SMCO4: variants seen among roughly 807,000 people sequenced by gnomAD.
The protein encoded by SMCO4 is single-pass membrane and coiled-coil domain-containing protein 4.
A neutral mutation model predicts 3.6 loss-of-function variants in SMCO4; 4 were observed. The ratio of observed to expected loss-of-function variants is 1.11; its 90% CI spans 0.54 to 2.53. The LOEUF is 2.53. SMCO4 is among the 30% of genes most tolerant of loss of function. The pLI is 0.02. For missense variants in SMCO4, 70 were observed against 80.8 expected (o/e 0.87, Z 0.51); for synonymous variants, 36 against 35.3 (o/e 1.02, Z -0.07).
upstream of SMCO4, among the ~76,000 whole-genome samples, chr11:93,546,835 A>G (rs969130301): frequency 3.3e-5 from 5 of 152,188 alleles, no homozygotes; most frequent in African/African-American, 1.2e-4. Flanking sequence ...CTACAGAGAT[A>G]TTGGTACTGT....
At chr11:93,552,727 C>T in the SMCO4 span, among the ~76,000 whole-genome samples, 1 of 152,094 alleles carries the variant, frequency 6.6e-6, no homozygotes, top group East Asian at 1.9e-4. Flanking sequence ...CTGCCTCAGC[C>T]TCCCAAAGTG....
intron 2 of SMCO4, among the ~76,000 whole-genome samples, chr11:93,483,901 C>T (rs897045385): frequency 1.3e-5 from 2 of 152,190 alleles, no homozygotes; most frequent in African/African-American, 2.4e-5. Flanking sequence ...GTGCCCCCAT[C>T]ATGGTTCAGC....
At chr11:93,519,116 G>C (rs1949034945) in intron 1 of SMCO4, among the ~76,000 whole-genome samples, 2 of 152,174 alleles carry the variant, frequency 1.3e-5, no homozygotes, top group Non-Finnish European at 2.9e-5. Context: ...AGATACGAAA[G>C]CATCAGAACC....
chr11:93,513,343 T>A (rs961659808), intron 1 of SMCO4, among the ~76,000 whole-genome samples: 2 of 152,370 alleles, frequency 1.3e-5, no homozygotes, highest in African/African-American at 2.4e-5. Context: ...TTTGACAAAA[T>A]AAAACTCAAA....
At chr11:93,509,586 G>A (rs55728319) in intron 1 of SMCO4, among the ~76,000 whole-genome samples, 77 of 152,290 alleles carry the variant, frequency 5.1e-4, no homozygotes, top group Admixed American at 7.8e-4. Context: ...ATCAATCAAC[G>A]AGTGGATAAA....
chr11:93,484,140 C>T (rs903508448), intron 2 of SMCO4, among the ~76,000 whole-genome samples: 6 of 152,174 alleles, frequency 3.9e-5, no homozygotes, highest in East Asian at 3.8e-4. Context: ...CACACACCCA[C>T]GGCAACCGGT....
intron 1 of SMCO4, among the ~76,000 whole-genome samples, chr11:93,508,020 G>A (rs932974720): frequency 1.3e-5 from 2 of 151,964 alleles, no homozygotes; most frequent in African/African-American, 2.4e-5. Flanking sequence ...ATCATATAAT[G>A]GGTTTATTGT....
At chr11:93,521,116 T>A (rs1418008685) in intron 1 of SMCO4, among the ~76,000 whole-genome samples, 1 of 152,260 alleles carries the variant, frequency 6.6e-6, no homozygotes, top group Non-Finnish European at 1.5e-5. Context: ...CTCTGGAAGA[T>A]GCTGTTTTCT....
At chr11:93,495,087 A>G (rs1948759226) in intron 2 of SMCO4, among the ~76,000 whole-genome samples, 1 of 151,806 alleles carries the variant, frequency 6.6e-6, no homozygotes, top group Non-Finnish European at 1.5e-5. Context: ...TCTCCCAAGC[A>G]TTCCTTCTGC....
At chr11:93,547,552 C>T (rs945044631), upstream of SMCO4, among the ~76,000 whole-genome samples, 1 of 152,084 alleles carries the variant, frequency 6.6e-6, no homozygotes, top group Non-Finnish European at 1.5e-5. Flanking sequence ...TTGTGTCTCT[C>T]GAATTCTCCC....
At chr11:93,505,888 TG>T in intron 1 of SMCO4, among the ~76,000 whole-genome samples, 1 of 151,864 alleles carries the variant, frequency 6.6e-6, no homozygotes, top group Admixed American at 6.6e-5. Flanking sequence ...ATGATGATGA[TG>T]ATGATGAAAA....
At chr11:93,552,429 C>T in the SMCO4 span, among the ~76,000 whole-genome samples, 1 of 146,566 alleles carries the variant, frequency 6.8e-6, no homozygotes, top group Non-Finnish European at 1.5e-5. Flanking sequence ...CGTAGGCCAC[C>T]GTGCCCAGCC....
chr11:93,491,886 G>A (rs1019823801), intron 2 of SMCO4, among the ~76,000 whole-genome samples: 1 of 152,088 alleles, frequency 6.6e-6, no homozygotes, highest in African/African-American at 2.4e-5. Flanking sequence ...CCCTAGACAC[G>A]TAACACAGCC....
chr11:93,548,231 C>T (rs1179466762), upstream of SMCO4, among the ~76,000 whole-genome samples: 1 of 152,120 alleles, frequency 6.6e-6, no homozygotes, highest in East Asian at 1.9e-4. Context: ...GTATGCAATT[C>T]TTGTATCAAT....
At chr11:93,500,158 T>C (rs1272616917) in intron 1 of SMCO4, among the ~76,000 whole-genome samples, 2 of 152,236 alleles carry the variant, frequency 1.3e-5, no homozygotes, top group Admixed American at 1.3e-4. Context: ...TTTTGTTTTG[T>C]TTCAAACAAA....
At chr11:93,530,261 C>A (rs1455717712) in intron 1 of SMCO4, among the ~76,000 whole-genome samples, 8 of 152,294 alleles carry the variant, frequency 5.3e-5, no homozygotes, top group African/African-American at 1.7e-4. Flanking sequence ...TGAGGCCCTG[C>A]AGCTCACAGC....
chr11:93,549,525 T>G, the SMCO4 span, among the ~76,000 whole-genome samples: 1 of 152,116 alleles, frequency 6.6e-6, no homozygotes, highest in Non-Finnish European at 1.5e-5. Flanking sequence ...CACATCTCAC[T>G]GCAGCTTCAA....
At chr11:93,516,663 G>T (rs950753591) in intron 1 of SMCO4, among the ~76,000 whole-genome samples, 2 of 152,020 alleles carry the variant, frequency 1.3e-5, no homozygotes, top group African/African-American at 4.8e-5. Flanking sequence ...GGTGGTGCGT[G>T]CCTGTAGTCC....
At chr11:93,514,422 A>ATACACATAT (rs1948990819) in intron 1 of SMCO4, among the ~76,000 whole-genome samples, 1 of 103,898 alleles carries the variant, frequency 9.6e-6, no homozygotes, top group Non-Finnish European at 2.0e-5. Flanking sequence ...ATATATATAT[A>ATACACATAT]AAATTTGGTC....
Sources: gnomAD v4.1 joint callset for allele counts (sites outside exome capture counted in the v4.1 genomes callset) on GRCh38, gnomAD v4.1.1 for gene constraint, MANE v1.5 for transcripts, NCBI Gene and HGNC (gene_info 2026-07-23, HGNC 2026-07-21) for gene names.